Variants in SEC14L5 observed in about 807,000 individuals in gnomAD.
The protein encoded by SEC14L5 is SEC14 like lipid binding 5.
Under a neutral mutation model 84.6 loss-of-function variants are expected in SEC14L5, and 96 were observed. The ratio of observed to expected loss-of-function variants is 1.13; its 90% CI spans 0.96 to 1.34. The LOEUF (loss-of-function observed/expected upper bound fraction) is 1.34, where lower values mean the gene tolerates loss of function less well. SEC14L5 is among the 40% of genes most tolerant of loss of function. The pLI is 0.00. For missense variants in SEC14L5, 1,224 were observed against 942.5 expected, an observed-to-expected ratio of 1.30 and a Z score of -3.91; for synonymous variants, 546 against 383.4, an observed-to-expected ratio of 1.42 and a Z score of -4.95.
At position 4,990,850 on chromosome 16, in the gene SEC14L5, C is replaced by G. The variant is rs1403666623; in HGVS notation, c.429C>G (p.Ala143=). 3.7e-6 allele frequency: 6 copies of G among 1,611,092 alleles called. No homozygotes were observed. The highest frequency in any genetic ancestry group is 4.2e-6 in the Non-Finnish European group (5 of 1,178,588). The part of the protein sequence containing the change: ...DIRSFFGFEN[A]LEKIAMKQYT... ...GGTCTTTCTTTGGCTTTGAAAATGC[C>G]TTGGAGAAGATCGCCATGAAGCAGT... Residue 143 remains alanine (A), a synonymous_variant, in exon 5 of 16, where the codon GCC becomes GCG. Transcript: ENST00000251170.
At chr16:5,002,103 A>T (rs928623401) in intron 10 of SEC14L5, among the ~76,000 whole-genome samples, 4 of 152,192 alleles carry the variant, frequency 2.6e-5, no homozygotes, top group African/African-American at 9.7e-5. Context: ...ATTCTCAAAA[A>T]TAATAAGGGT....
chr16:4,970,953 C>A (rs9927293), intron 2 of SEC14L5, among the ~76,000 whole-genome samples: 60,521 of 151,952 alleles, frequency 0.4, 12,485 homozygotes, highest in Non-Finnish European at 0.46. Flanking sequence ...ACTAAAAATA[C>A]AAAAATTAGC....
At chr16:4,970,642 G>C (rs1304692996) in intron 2 of SEC14L5, among the ~76,000 whole-genome samples, 1 of 152,210 alleles carries the variant, frequency 6.6e-6, no homozygotes, top group Non-Finnish European at 1.5e-5. Flanking sequence ...CCTGGGCCCC[G>C]CTCCTGACAC....
intron 2 of SEC14L5, among the ~76,000 whole-genome samples, chr16:4,964,328 C>G (rs1190222643): frequency 6.6e-6 from 1 of 152,128 alleles, no homozygotes; most frequent in East Asian, 1.9e-4. Flanking sequence ...GTGGCTCACA[C>G]CTGTAATCCC....
chr16:4,961,094 AC>A (rs1214756281), intron 2 of SEC14L5, among the ~76,000 whole-genome samples: 4 of 152,040 alleles, frequency 2.6e-5, no homozygotes, highest in African/African-American at 9.7e-5. Context: ...ACACGGTGAA[AC>A]CCCAACTCAA....
chr16:4,972,210 C>G (rs1356422999), intron 2 of SEC14L5, among the ~76,000 whole-genome samples: 1 of 152,064 alleles, frequency 6.6e-6, no homozygotes, highest in African/African-American at 2.4e-5. Context: ...GCTGTGTTGC[C>G]CAGGCTGGTC....
At chr16:4,974,162 A>T (rs1047151802) in intron 2 of SEC14L5, among the ~76,000 whole-genome samples, 2 of 152,096 alleles carry the variant, frequency 1.3e-5, no homozygotes. Flanking sequence ...TGGAATAGGT[A>T]TTGGTGATGG....
chr16:4,975,288 C>T (rs1356924005), intron 2 of SEC14L5, among the ~76,000 whole-genome samples: 1 of 151,508 alleles, frequency 6.6e-6, no homozygotes, highest in East Asian at 2.0e-4. Flanking sequence ...CTGGCTAACA[C>T]GGTGAAACCC....
intron 10 of SEC14L5, among the ~76,000 whole-genome samples, chr16:5,002,335 C>T (rs748034651): frequency 2.9e-5 from 4 of 136,464 alleles, no homozygotes; most frequent in Admixed American, 1.7e-4. Context: ...CTCGTTCTGT[C>T]GCCCAGGCTG....
At chr16:4,978,637 C>G (rs556654177) in intron 2 of SEC14L5, among the ~76,000 whole-genome samples, 5 of 151,798 alleles carry the variant, frequency 3.3e-5, no homozygotes, top group East Asian at 4.0e-4. Context: ...GAGTCTCGCT[C>G]TGTCACCCAG....
chr16:4,987,592 C>T lies in SEC14L5; in HGVS notation c.99C>T (p.Ile33=). The T allele has an allele frequency of 6.4e-7, 1 of 1,562,128 alleles. No homozygotes were observed. Among genetic ancestry groups the T allele is most frequent in the African/African-American group, 1.4e-5 (1 of 72,520 alleles). Residue 33 remains isoleucine (I), a synonymous_variant, in exon 3 of 16, where the codon ATC becomes ATT. Transcript: ENST00000251170. ...AGCGTTTCCCCACGTGCCCACAGAT[C>T]CCAGTCTTCCTGGGCAGCGAGGTCT... The part of the protein sequence containing the change: ...YEKRFPTCPQ[I]PVFLGSEVLR...
intron 15 of SEC14L5, among the ~76,000 whole-genome samples, chr16:5,012,228 C>T (rs1023589805): frequency 3.9e-5 from 6 of 152,074 alleles, no homozygotes; most frequent in East Asian, 1.9e-4. Context: ...CAGTGTGAGG[C>T]GACAGGCTGA....
intron 2 of SEC14L5, among the ~76,000 whole-genome samples, chr16:4,972,226 C>T (rs1356306737): frequency 2.6e-5 from 4 of 152,280 alleles, no homozygotes; most frequent in East Asian, 1.9e-4. Flanking sequence ...TGGTCTCAAA[C>T]TCCCGGCTTC....
At chr16:5,003,702 C>T in intron 11 of SEC14L5, 129 bp downstream of exon 11, 1 of 642,808 alleles carries the variant, frequency 1.6e-6, no homozygotes, top group Non-Finnish European at 2.6e-6. Flanking sequence ...ATGAAACTCA[C>T]ATAGCATAAA....
intron 2 of SEC14L5, among the ~76,000 whole-genome samples, chr16:4,961,693 A>C (rs544187449): frequency 6.6e-6 from 1 of 152,172 alleles, no homozygotes; most frequent in African/African-American, 2.4e-5. Context: ...CAATGATTGT[A>C]AATATTTTCA....
rs372770284 is a variant in SEC14L5, at chr16:5,005,954, T to A, written c.1343T>A (p.Leu448His). 45 of 1,610,564 alleles carry A rather than the reference T, an allele frequency of 2.8e-5. No individual in the cohort carries two copies. Among genetic ancestry groups the A allele is most frequent in the Non-Finnish European group, 3.7e-5 (44 of 1,178,516 alleles). Residue 448 changes from leucine to histidine, a missense_variant, in exon 12 of 16, where the codon CTC becomes CAC. By Grantham distance (99) the Leu-to-His change is moderately conservative. Coordinates refer to ENST00000251170, the MANE Select transcript of SEC14L5 (RefSeq NM_014692.2). ...AATGAGAACACCAGGCGGAAGTTCCTCATCTACAGTGGCAGCAACTACCAG... is the reference window on the plus strand; with the variant it reads ...AATGAGAACACCAGGCGGAAGTTCCACATCTACAGTGGCAGCAACTACCAG... Reference protein sequence around the residue: ...FINENTRRKFLIYSGSNYQGP... With the variant: ...FINENTRRKFHIYSGSNYQGP...
chr16:4,996,565 C>G (rs751029045), intron 7 of SEC14L5, 105 bp downstream of exon 7: 1 of 650,738 alleles, frequency 1.5e-6, no homozygotes, highest in Non-Finnish European at 2.8e-6. Flanking sequence ...GACACATTAT[C>G]TCTTGCTTAT....
intron 15 of SEC14L5, among the ~76,000 whole-genome samples, chr16:5,011,858 G>A (rs1382026999): frequency 1.3e-5 from 2 of 152,114 alleles, no homozygotes; most frequent in African/African-American, 2.4e-5. Flanking sequence ...CTGGGCATGC[G>A]GTGTGCATGC....
rs753467029 is a variant in SEC14L5, at chr16:5,007,459, C to T, written c.1545C>T (p.Ala515=). The T allele has an allele frequency of 5.0e-6, 8 of 1,613,650 alleles. No individual in the cohort carries two copies. The highest frequency in any genetic ancestry group is 1.3e-5 in the African/African-American group (1 of 74,942). Residue 515 remains alanine (A), a synonymous_variant, in exon 13 of 16, where the codon GCC becomes GCT. Transcript: ENST00000251170. ...LWQWSETYHS[A]SVLRGAPHEV... ...AGTGGAGTGAGACCTACCATTCAGC[C>T]AGCGTGCTCCGCGGAGCCCCCCACG... is the stretch of plus-strand genomic sequence containing the variant.
Sources: gnomAD v4.1 joint callset for allele counts (sites outside exome capture counted in the v4.1 genomes callset) on GRCh38, gnomAD v4.1.1 for gene constraint, MANE v1.5 for transcripts, NCBI Gene and HGNC (gene_info 2026-07-23, HGNC 2026-07-21) for gene names.